Variants in WNK3 observed in about 807,000 individuals in gnomAD.
The protein encoded by WNK3 is WNK lysine deficient protein kinase 3, also known as serine/threonine-protein kinase WNK3.
In WNK3, 18 loss-of-function variants were observed where a neutral mutation model predicts 116.7. The ratio of observed to expected loss-of-function variants is 0.15; its 90% CI spans 0.11 to 0.23. The LOEUF (loss-of-function observed/expected upper bound fraction) is 0.23, where lower values mean the gene tolerates loss of function less well. Among genes scored for constraint, WNK3 ranks in the 10% least tolerant of loss-of-function variants. The pLI, the probability that WNK3 is intolerant of heterozygous loss-of-function variation, is 1.00. For synonymous variants in WNK3, 404 were observed against 469.4 expected, an observed-to-expected ratio of 0.86 and a Z score of 1.80; for missense variants, 993 against 1,323.8, an observed-to-expected ratio of 0.75 and a Z score of 3.88.
chrX:54,282,003 T>TG (rs1424041727), intron 10 of WNK3, among the ~76,000 whole-genome samples: 5 of 107,845 alleles, frequency 4.6e-5, no homozygotes, highest in African/African-American at 1.3e-4. Flanking sequence ...TATCATAGTT[T>TG]TTTTTTTTTT....
Position 54,333,133 on chromosome X carries a change from C to T in WNK3, c.537+4G>A. The T allele has an allele frequency of 1.7e-6, 2 of 1,174,944 alleles. No individual in the cohort carries two copies. Among genetic ancestry groups the T allele is most frequent in the Middle Eastern group, 2.4e-4 (1 of 4,177 alleles). ...TATTATAACCAAGAAGATTATATAC[C>T]TACCTGCAGCTCACACCAAGCAACC... On this transcript the variant is annotated splice_donor_region_variant and intron_variant, in intron 2 of 23. Coordinates refer to ENST00000354646, the Ensembl canonical transcript of WNK3.
exon 17 of WNK3, chrX:54,249,145 G>C: frequency 8.3e-7 from 1 of 1,211,663 alleles, no homozygotes; most frequent in African/African-American, 1.7e-5. Flanking sequence ...AGGAGAACTT[G>C]CTTCAGTGTT....
intron 10 of WNK3, among the ~76,000 whole-genome samples, chrX:54,291,285 C>G (rs1353682409): frequency 9.9e-5 from 11 of 110,905 alleles, no homozygotes; most frequent in African/African-American, 3.6e-4. Context: ...TGCACTCCAG[C>G]CTGGGCGACA....
intron 2 of WNK3, among the ~76,000 whole-genome samples, chrX:54,332,642 T>A (rs1241068613): frequency 9.0e-6 from 1 of 111,085 alleles, no homozygotes; most frequent in Non-Finnish European, 1.9e-5. Flanking sequence ...ATCCCAACAC[T>A]TTGGGAGGCC....
intron 1 of WNK3, among the ~76,000 whole-genome samples, chrX:54,350,137 C>T (rs781971838): frequency 1.8e-5 from 2 of 111,689 alleles, no homozygotes; most frequent in African/African-American, 3.2e-5. Context: ...AGGCCAGGTG[C>T]GGTGGCTCAC....
intron 12 of WNK3, among the ~76,000 whole-genome samples, chrX:54,254,385 A>G (rs1392514613): frequency 1.8e-5 from 2 of 112,490 alleles, no homozygotes; most frequent in Non-Finnish European, 3.8e-5. Context: ...TTTAAATTTA[A>G]TAATTCATTT....
intron 1 of WNK3, among the ~76,000 whole-genome samples, chrX:54,339,837 A>C (rs1377412163): frequency 2.7e-5 from 3 of 111,916 alleles, no homozygotes; most frequent in African/African-American, 9.7e-5. Flanking sequence ...CACAACACTA[A>C]AACCACAAGC....
At chrX:54,225,434 A>G (rs185943638) in intron 22 of WNK3, among the ~76,000 whole-genome samples, 1 of 108,951 alleles carries the variant, frequency 9.2e-6, no homozygotes, top group Non-Finnish European at 1.9e-5. Flanking sequence ...CAGCCTGGCC[A>G]ACATGGCAAA....
intron 22 of WNK3, among the ~76,000 whole-genome samples, chrX:54,213,570 A>AAAAAAAAAAAAAAC (rs2067646955): frequency 1.2e-5 from 1 of 86,934 alleles, no homozygotes; most frequent in African/African-American, 5.7e-5. Context: ...AAAAACAAAC[A>AAAAAAAAAAAAAAC]AAAAAAAAAA....
At chrX:54,358,861 G>A (rs2069637873), upstream of WNK3, among the ~76,000 whole-genome samples, 1 of 112,882 alleles carries the variant, frequency 8.9e-6, no homozygotes, top group South Asian at 3.7e-4. Context: ...TGACCGGGAG[G>A]GGGATTTCCG....
rs2068205321 is a variant in WNK3 at position 54,257,472 on chromosome X, TAAACAA to T, written c.2103-1591_2103-1586del. ...AAAAGCAGGCCAGAACCTATGCATC[TAAACAA>T]GGGCGACTGCTTGCTAACATAGAAG... On this transcript the variant is annotated intron_variant, in intron 11 of 23. Coordinates refer to ENST00000354646, the Ensembl canonical transcript of WNK3. 7.2e-5 allele frequency among the ~76,000 whole-genome samples: 8 copies of T among 110,955 alleles called. No homozygotes were observed. The South Asian group carries it at 3.1e-3, about 42-fold the overall frequency.
rs187239562 is a variant in WNK3, at chrX:54,317,543, G to A, written c.538-6252C>T. ...ACATTGCTTGATTCCACTTATATGAGGTACCTACAATAGGCACATTCATAG... is the reference window on the plus strand; with the variant it reads ...ACATTGCTTGATTCCACTTATATGAAGTACCTACAATAGGCACATTCATAG... On this transcript the variant is annotated intron_variant, in intron 2 of 23. Transcript: ENST00000354646. Among the ~76,000 whole-genome samples the A allele has an allele frequency of 2.2e-3, 244 of 111,217 alleles. 1 individual carries two copies. Among genetic ancestry groups the A allele is most frequent in the Non-Finnish European group, 2.4e-3 (128 of 52,992 alleles).
At chrX:54,354,594 G>A (rs2069567204) in intron 1 of WNK3, among the ~76,000 whole-genome samples, 4 of 111,038 alleles carry the variant, frequency 3.6e-5, no homozygotes, top group Non-Finnish European at 5.7e-5. Context: ...TTAATAGCTG[G>A]GTGATGGGTT....
At chrX:54,270,174 C>T (rs1351635808) in intron 10 of WNK3, among the ~76,000 whole-genome samples, 2 of 109,959 alleles carry the variant, frequency 1.8e-5, no homozygotes, top group East Asian at 2.8e-4. Flanking sequence ...AGCGTGATCC[C>T]GGCTCCCTGC....
At chrX:54,194,535 TCCTACA>T (rs2067426995) in exon 24 of WNK3, 1 of 111,740 alleles carries the variant, frequency 8.9e-6, no homozygotes, top group Non-Finnish European at 1.9e-5. Flanking sequence ...TATAACTAAC[TCCTACA>T]CCTAAATCCT....
intron 22 of WNK3, among the ~76,000 whole-genome samples, chrX:54,222,915 A>AAT (rs782107262): frequency 0.024 from 1,941 of 80,946 alleles, 30 homozygotes; most frequent in South Asian, 0.049. Context: ...TAATAATAAT[A>AAT]ATATATATAT....
intron 21 of WNK3, among the ~76,000 whole-genome samples, chrX:54,229,442 T>C (rs959921630): frequency 1.4e-4 from 15 of 109,870 alleles, no homozygotes; most frequent in Admixed American, 7.9e-4. Context: ...CTCCCCAAAA[T>C]TGATATATAG....
At position 54,357,263 on chromosome X, in the gene WNK3, C is replaced by T. The variant is rs1016645863; in HGVS notation, c.-120+423G>A. Reference sequence around the variant, plus strand: ...CAGTCCTTTGTCAACCGTCTCCTGTCCCCCTCCTGTATCCTCCTCACCTTC... The same window carrying T: ...CAGTCCTTTGTCAACCGTCTCCTGTTCCCCTCCTGTATCCTCCTCACCTTC... On this transcript the variant is annotated intron_variant, in intron 1 of 23. Transcript: ENST00000354646. 2.7e-5 allele frequency among the ~76,000 whole-genome samples: 3 copies of T among 110,200 alleles called. No individual in the cohort carries two copies. In the East Asian group the frequency reaches 8.5e-4, roughly 31 times the overall value.
At chrX:54,309,122 G>A (rs781938886) in exon 4 of WNK3, 6 of 1,207,798 alleles carry the variant, frequency 5.0e-6, no homozygotes, top group Non-Finnish European at 6.7e-6. Flanking sequence ...AATGAGGTAC[G>A]CATTAAGGTG....
Sources: gnomAD v4.1 joint callset for allele counts (sites outside exome capture counted in the v4.1 genomes callset) on GRCh38, gnomAD v4.1.1 for gene constraint, MANE v1.5 for transcripts, NCBI Gene and HGNC (gene_info 2026-07-23, HGNC 2026-07-21) for gene names.